The following MINDY3 variants were observed in gnomAD, a reference collection of about 807,000 sequenced individuals.
The protein encoded by MINDY3 is ubiquitin carboxyl-terminal hydrolase MINDY-3.
A neutral mutation model predicts 69.2 loss-of-function variants in MINDY3; 38 were observed. That is an observed-to-expected ratio of 0.55 (90% CI 0.42 to 0.72). The LOEUF is 0.72. MINDY3 is among the 30% of genes least tolerant of loss of function. The probability of loss-of-function intolerance (pLI) is 0.00; values close to 1 mark genes in which losing one functional copy is unlikely to be tolerated. For synonymous variants in MINDY3, 192 were observed against 180.1 expected, an observed-to-expected ratio of 1.07 and a Z score of -0.53; for missense variants, 522 against 519.0, an observed-to-expected ratio of 1.01 and a Z score of -0.06.
intron 8 of MINDY3, among the ~76,000 whole-genome samples, chr10:15,831,333 C>T (rs1444549159): frequency 6.6e-6 from 1 of 152,082 alleles, no homozygotes; most frequent in African/African-American, 2.4e-5. Flanking sequence ...TATGTGTTAT[C>T]CAGGAAAAAC....
intron 12 of MINDY3, among the ~76,000 whole-genome samples, chr10:15,788,661 T>TTAATCTACAGAGGA (rs1209751294): frequency 1.1e-4 from 17 of 152,250 alleles, no homozygotes; most frequent in Middle Eastern, 6.8e-3. Flanking sequence ...ACTAAAGATC[T>TTAATCTACAGAGGA]TAATCTACAG....
intron 2 of MINDY3, 24 bp from the exon 3 acceptor site, chr10:15,843,296 T>C: frequency 6.4e-7 from 1 of 1,558,264 alleles, no homozygotes; most frequent in Non-Finnish European, 8.9e-7. Context: ...AAGCAATAAT[T>C]AGTGAAATGC....
intron 14 of MINDY3, 60 bp from the exon 15 acceptor site, chr10:15,779,201 A>C: frequency 6.1e-6 from 9 of 1,482,108 alleles, no homozygotes; most frequent in Non-Finnish European, 8.2e-6. Context: ...TCTTATGTGG[A>C]ATGAAAACAA....
chr10:15,841,514 C>G lies in MINDY3; in HGVS notation c.321G>C (p.Leu107Phe). 1 of 1,611,712 alleles carries G rather than the reference C, an allele frequency of 6.2e-7. No homozygotes were observed. The highest frequency in any genetic ancestry group is 2.2e-5 in the East Asian group (1 of 44,746). ...ACCDHSGSYC[L>F]VSWLRGKTTE... ...TTGTCTTTCCTCTTAACCATGAAACCAAGCAGTATGATCCAGAGTGGTCAC... is the reference window on the plus strand; with the variant it reads ...TTGTCTTTCCTCTTAACCATGAAACGAAGCAGTATGATCCAGAGTGGTCAC... Residue 107 changes from leucine to phenylalanine, a missense_variant, in exon 4 of 15, where the codon TTG (leucine) becomes TTC (phenylalanine). By Grantham distance (22) the Leu-to-Phe change is conservative (BLOSUM62 0). Coordinates refer to ENST00000277632, the MANE Select transcript of MINDY3 (RefSeq NM_024948.4).
At chr10:15,789,080 C>A (rs1286703461) in intron 12 of MINDY3, 167 bp downstream of exon 12, 2 of 441,926 alleles carry the variant, frequency 4.5e-6, no homozygotes, top group Admixed American at 3.6e-5. Flanking sequence ...TATGTCAAGT[C>A]TGCTATAATA....
intron 1 of MINDY3, among the ~76,000 whole-genome samples, chr10:15,858,508 C>T (rs548706401): frequency 3.9e-5 from 6 of 152,262 alleles, no homozygotes; most frequent in South Asian, 2.1e-4. Flanking sequence ...GTTCACTATA[C>T]GTCAGATAGT....
At chr10:15,822,457 T>C (rs1839833077) in intron 8 of MINDY3, among the ~76,000 whole-genome samples, 1 of 151,936 alleles carries the variant, frequency 6.6e-6, no homozygotes, top group African/African-American at 2.4e-5. Flanking sequence ...AAAAAGAGGA[T>C]GACAAGAAAA....
chr10:15,826,761 A>C (rs1207788800), intron 8 of MINDY3, among the ~76,000 whole-genome samples: 1 of 152,214 alleles, frequency 6.6e-6, no homozygotes, highest in African/African-American at 2.4e-5. Flanking sequence ...ATATGGAAAA[A>C]TGTGTTCAAC....
At chr10:15,787,791 G>A (rs188194055) in intron 12 of MINDY3, among the ~76,000 whole-genome samples, 17 of 152,092 alleles carry the variant, frequency 1.1e-4, no homozygotes, top group African/African-American at 4.1e-4. Context: ...GCATTTTAAT[G>A]AGTCTGAGTA....
chr10:15,854,206 A>G (rs1588662977), intron 1 of MINDY3, among the ~76,000 whole-genome samples: 1 of 152,144 alleles, frequency 6.6e-6, no homozygotes, highest in South Asian at 2.1e-4. Context: ...AATCTCTACA[A>G]TACTCTGATG....
chr10:15,787,964 A>G (rs952717508), intron 12 of MINDY3, among the ~76,000 whole-genome samples: 5 of 152,150 alleles, frequency 3.3e-5, no homozygotes, highest in African/African-American at 1.2e-4. Context: ...CTACTTCAAG[A>G]AAAACAACCT....
intron 4 of MINDY3, among the ~76,000 whole-genome samples, 163 bp from the exon 5 acceptor site, chr10:15,838,442 T>C (rs1005337255): frequency 6.6e-6 from 1 of 151,812 alleles, no homozygotes; most frequent in Non-Finnish European, 1.5e-5. Flanking sequence ...TGAATTTATA[T>C]TTCAACATCT....
At chr10:15,789,157 G>T in intron 12 of MINDY3, 90 bp downstream of exon 12, 1 of 940,180 alleles carries the variant, frequency 1.1e-6, no homozygotes, top group Non-Finnish European at 1.7e-6. Context: ...TGCAGATATA[G>T]ATTTTTAAAA....
In MINDY3 at chr10:15,841,599, T is replaced by C; in HGVS notation, c.236A>G (p.Glu79Gly). The change falls in exon 4 of 15, where the codon GAG becomes GGG. Residue 79 changes from glutamate (E) to glycine (G), a missense_variant and splice_region_variant. Coordinates refer to ENST00000277632, the MANE Select transcript of MINDY3 (RefSeq NM_024948.4). ...SEKSSWRDCS[E>G]EEQKELLCHT... ...ACAAAGGAGTTCCTTCTGCTCTTCC[T>C]CTAAAAATAACCAAAGCATAAGTTA... 6.3e-7 allele frequency: 1 copy of C among 1,594,476 alleles called. No individual in the cohort carries two copies. The highest frequency in any genetic ancestry group is 8.5e-7 in the Non-Finnish European group (1 of 1,170,828).
At chr10:15,848,266 A>G (rs370042210) in intron 1 of MINDY3, among the ~76,000 whole-genome samples, 55 of 152,324 alleles carry the variant, frequency 3.6e-4, no homozygotes, top group Middle Eastern at 3.4e-3. Context: ...CTAAATTCAA[A>G]CAATTTTTAG....
intron 6 of MINDY3, among the ~76,000 whole-genome samples, chr10:15,835,773 CTTAT>C (rs1270920141): frequency 6.6e-6 from 1 of 152,098 alleles, no homozygotes; most frequent in African/African-American, 2.4e-5. Context: ...TTTGGGTTCT[CTTAT>C]TTATTTACAT....
intron 9 of MINDY3, among the ~76,000 whole-genome samples, chr10:15,820,210 G>C (rs576705475): frequency 6.6e-6 from 1 of 152,314 alleles, no homozygotes; most frequent in African/African-American, 2.4e-5. Context: ...GAAGGGGACA[G>C]TGAGCCATCC....
At chr10:15,841,640 G>T in intron 3 of MINDY3, 41 bp from the exon 4 acceptor site, 1 of 1,108,458 alleles carries the variant, frequency 9.0e-7, no homozygotes, top group Non-Finnish European at 1.2e-6. Context: ...GTTTCCTCTG[G>T]AAAAAAAAAA....
intron 10 of MINDY3, among the ~76,000 whole-genome samples, chr10:15,808,922 C>G (rs1051659312): frequency 1.3e-5 from 2 of 152,086 alleles, no homozygotes; most frequent in African/African-American, 4.8e-5. Context: ...TATACTGGAT[C>G]AACAGCTGTC....
Sources: allele counts gnomAD v4.1 joint callset (sites outside exome capture counted in the v4.1 genomes callset), GRCh38; gene constraint gnomAD v4.1.1; transcripts MANE v1.5; gene names NCBI Gene and HGNC (gene_info 2026-07-23, HGNC 2026-07-21).